CD34: variants seen among roughly 807,000 people sequenced by gnomAD.
CD34 encodes hematopoietic progenitor cell antigen CD34.
In CD34, 34 loss-of-function variants were observed where a neutral mutation model predicts 40.1. The observed-to-expected ratio is 0.85, with a 90% CI of 0.65 to 1.13. The LOEUF (loss-of-function observed/expected upper bound fraction) is 1.13, where lower values mean the gene tolerates loss of function less well. CD34 is among the 50% of genes most tolerant of loss of function. The probability of loss-of-function intolerance (pLI) is 0.00; values close to 1 mark genes in which losing one functional copy is unlikely to be tolerated. For missense variants in CD34, 426 were observed against 466.9 expected (o/e 0.91, Z 0.81); for synonymous variants, 209 against 190.0 (o/e 1.10, Z -0.82).
chr1:207,893,326 G>C (rs1215647639), intron 4 of CD34, among the ~76,000 whole-genome samples: 2 of 152,070 alleles, frequency 1.3e-5, no homozygotes, highest in African/African-American at 4.8e-5. Context: ...TGACCTTTAA[G>C]ATATTTAAGA....
At chr1:207,892,585 C>CAA (rs970431353) in intron 4 of CD34, among the ~76,000 whole-genome samples, 2 of 135,258 alleles carry the variant, frequency 1.5e-5, no homozygotes, top group Non-Finnish European at 1.6e-5. Flanking sequence ...GACTCTGTCT[C>CAA]AAAAAAAAAA....
Position 207,898,879 on chromosome 1 carries a change from C to G in CD34, c.516+94G>C, listed in dbSNP as rs1662205162. ...TCCCACATGACCCAAATCCCACTGG[C>G]AGGGATGAGGAGAGGGGTGGAGGGA... On this transcript the variant is annotated intron_variant, in intron 3 of 7. Coordinates refer to ENST00000310833, the MANE Select transcript of CD34 (RefSeq NM_001025109.2). The G allele has an allele frequency of 3.0e-6, 4 of 1,314,260 alleles. No homozygotes were observed. The East Asian group carries it at 9.2e-5, about 30-fold the overall frequency. 81.4% of individuals were successfully genotyped at this position (1,314,260 alleles called of 1,614,324 possible).
rs2102290929 is a variant in CD34 at position 207,881,664 on chromosome 1, A to C, written c.*6074T>G. On this transcript the variant is annotated 3_prime_UTR_variant, in exon 8 of 8. Transcript: ENST00000310833. Reference sequence around the variant, plus strand: ...GACAGAGCGAGACTCCGTCTCAAAAAAAAAAAAAAAAAAAAAGAATCAGCA... The same window carrying C: ...GACAGAGCGAGACTCCGTCTCAAAACAAAAAAAAAAAAAAAAGAATCAGCA... 6.6e-6 allele frequency: 1 copy of C among 151,348 alleles called. No individual in the cohort carries two copies. The highest frequency in any genetic ancestry group is 2.4e-5 in the African/African-American group (1 of 41,386). The allele number at this position is 151,348 out of a possible 1,614,324, so 9.4% of individuals were successfully genotyped here.
chr1:207,892,643 C>T (rs976724805), intron 4 of CD34, among the ~76,000 whole-genome samples: 4 of 151,680 alleles, frequency 2.6e-5, no homozygotes, highest in African/African-American at 9.7e-5. Context: ...AGATAAATAG[C>T]AGCTGCTACT....
Position 207,889,848 on chromosome 1 carries a change from A to G in CD34, c.598-227T>C, listed in dbSNP as rs775650822. 3.2e-6 allele frequency: 5 copies of G among 1,571,750 alleles called. No homozygotes were observed. The South Asian group carries it at 3.6e-5, about 11-fold the overall frequency. On this transcript the variant is annotated intron_variant, in intron 4 of 7. Transcript: ENST00000310833. ...AGGACCAAAATCCATATCTTCTAGT[A>G]TCTAAGATGTTAGAGAACAAACTTA...
chr1:207,908,295 G>A (rs1076725), intron 1 of CD34, among the ~76,000 whole-genome samples: 9,286 of 152,284 alleles, frequency 0.061, 400 homozygotes, highest in South Asian at 0.11. Flanking sequence ...TTTATCAGCC[G>A]AACAGAAATG....
Position 207,897,526 on chromosome 1 carries a change from G to C in CD34, c.564C>G (p.Gly188=), listed in dbSNP as rs770195638. Residue 188 remains glycine, a synonymous_variant, in exon 4 of 8, where the codon GGC becomes GGG. Transcript: ENST00000310833. ...SGIREVKLTQ[G]ICLEQNKTSS... ...AGGTCTTATTTTGCTCCAGGCAGAT[G>C]CCCTGAGTCAATTTCACTTCTCTGA... 1 of 1,559,664 alleles carries C rather than the reference G, an allele frequency of 6.4e-7. No individual in the cohort carries two copies. Among genetic ancestry groups the C allele is most frequent in the Non-Finnish European group, 8.7e-7 (1 of 1,150,142 alleles).
At position 207,889,533 on chromosome 1, in the gene CD34, C is replaced by T; in HGVS notation, c.686G>A (p.Cys229Tyr). The change falls in exon 5 of 8, where the codon TGC becomes TAC. Residue 229 changes from cysteine to tyrosine, a missense_variant. Physicochemically the swap from Cys to Tyr is radical, Grantham distance 194 (BLOSUM62 -2). Transcript: ENST00000310833. ...QADADAGAQV[C>Y]SLLLAQSEVR... The stretch of plus-strand genomic sequence containing the variant: ...CTCAGACTGGGCAAGGAGCAGGGAG[C>T]ATACCTGGGCCCCAGCATCAGCATC... The T allele has an allele frequency of 6.2e-7, 1 of 1,614,166 alleles. No individual in the cohort carries two copies. The highest frequency in any genetic ancestry group is 8.5e-7 in the Non-Finnish European group (1 of 1,180,020).
chr1:207,890,209 A>C, intron 4 of CD34: 1 of 1,004,776 alleles, frequency 1.0e-6, no homozygotes, highest in Non-Finnish European at 1.2e-6. Flanking sequence ...GTTTTAATGA[A>C]GTTCATAGAT....
rs1289162077 is a variant in CD34 at position 207,881,558 on chromosome 1, G to T, written c.*6180C>A. 2.0e-5 allele frequency: 3 copies of T among 151,450 alleles called. No homozygotes were observed. The highest frequency in any genetic ancestry group is 7.3e-5 in the African/African-American group (3 of 41,150). 9.4% of individuals were successfully genotyped at this position (151,450 alleles called of 1,614,324 possible). On this transcript the variant is annotated 3_prime_UTR_variant, in exon 8 of 8. Coordinates refer to ENST00000310833, the MANE Select transcript of CD34 (RefSeq NM_001025109.2). ...GCCTGTAGTCCCAGCTACTTGGGAG[G>T]CTGAGGCAGGAGAATGGCGTGAACC...
chr1:207,899,759 T>C, intron 2 of CD34, 62 bp downstream of exon 2: 1 of 1,463,642 alleles, frequency 6.8e-7, no homozygotes, highest in South Asian at 1.3e-5. Context: ...GAAAACATCC[T>C]AAATGCTTTA....
At position 207,887,641 on chromosome 1, in the gene CD34, G is replaced by T. The variant is rs1172141229; in HGVS notation, c.*97C>A. 2 of 1,536,936 alleles carry T rather than the reference G, an allele frequency of 1.3e-6. No individual in the cohort carries two copies. The highest frequency in any genetic ancestry group is 2.3e-5 in the East Asian group (1 of 43,818). On this transcript the variant is annotated 3_prime_UTR_variant, in exon 8 of 8. Coordinates refer to ENST00000310833, the MANE Select transcript of CD34 (RefSeq NM_001025109.2). ...TGTGTGCAGTGGGGAAGGGTTGGGC[G>T]TAAGAGATGTCACCTCCAGCATGGG...
At chr1:207,895,324 G>A (rs879433367) in intron 4 of CD34, among the ~76,000 whole-genome samples, 3 of 152,174 alleles carry the variant, frequency 2.0e-5, no homozygotes, top group East Asian at 1.9e-4. Flanking sequence ...AGGCTTTGCC[G>A]CATGGGGGCT....
Position 207,897,389 on chromosome 1 carries a change from C to A in CD34, c.597+104G>T, listed in dbSNP as rs1433377942. The A allele has an allele frequency of 1.4e-5, 12 of 844,340 alleles. No individual in the cohort carries two copies. In the East Asian group the frequency reaches 2.9e-4, roughly 21 times the overall value. 52.3% of individuals were successfully genotyped at this position (844,340 alleles called of 1,614,324 possible). A position where few individuals can be genotyped will look rare whatever the true frequency, so the allele number is the denominator to read the frequency against. On this transcript the variant is annotated intron_variant, in intron 4 of 7. Transcript: ENST00000310833. ...CTGACCAAGCTAAACTCCCCGGACC[C>A]CTACTCAAATCCAGTGCAATCCAAG... is the stretch of plus-strand genomic sequence containing the variant.
At position 207,886,725 on chromosome 1, in the gene CD34, A is replaced by C. The variant is rs543841288; in HGVS notation, c.*1013T>G. The stretch of plus-strand genomic sequence containing the variant: ...GACCTGGGTCACCCACAGAAGAGGC[A>C]GCTGGTGATAAGGGTTAGGAGCTGA... On this transcript the variant is annotated 3_prime_UTR_variant, in exon 8 of 8. Transcript: ENST00000310833. The C allele has an allele frequency of 6.5e-6, 1 of 152,786 alleles. No individual in the cohort carries two copies. Among genetic ancestry groups the C allele is most frequent in the East Asian group, 1.9e-4 (1 of 5,184 alleles). The allele number at this position is 152,786 out of a possible 1,614,324, so 9.5% of individuals were successfully genotyped here. A position where few individuals can be genotyped will look rare whatever the true frequency, so the allele number is the denominator to read the frequency against.
intron 1 of CD34, among the ~76,000 whole-genome samples, chr1:207,905,006 C>G (rs968223346): frequency 7.9e-5 from 12 of 152,116 alleles, no homozygotes; most frequent in African/African-American, 2.7e-4. Context: ...GTTCTAGAAA[C>G]CAAGTCATAT....
chr1:207,910,402 C>T (rs1464670411), intron 1 of CD34, among the ~76,000 whole-genome samples: 2 of 152,172 alleles, frequency 1.3e-5, no homozygotes, highest in African/African-American at 4.8e-5. Flanking sequence ...ATCTTAAATG[C>T]AAGGTTTTTG....
At chr1:207,904,272 T>C (rs763595534) in intron 1 of CD34, among the ~76,000 whole-genome samples, 14 of 152,202 alleles carry the variant, frequency 9.2e-5, no homozygotes, top group Non-Finnish European at 1.9e-4. Context: ...TTTCATATTC[T>C]AGCACCTGGA....
intron 1 of CD34, among the ~76,000 whole-genome samples, chr1:207,910,312 T>C (rs1662480539): frequency 6.6e-6 from 1 of 152,192 alleles, no homozygotes; most frequent in African/African-American, 2.4e-5. Context: ...CGAGCGAGGC[T>C]GGGCGCAGAG....
Sources: allele counts gnomAD v4.1 joint callset (sites outside exome capture counted in the v4.1 genomes callset), GRCh38; gene constraint gnomAD v4.1.1; transcripts MANE v1.5; gene names NCBI Gene and HGNC (gene_info 2026-07-23, HGNC 2026-07-21).